SDK1: variants seen among roughly 807,000 people sequenced by gnomAD.
The protein encoded by SDK1 is protein sidekick-1.
Under a neutral mutation model 245.5 loss-of-function variants are expected in SDK1, and 157 were observed. The observed-to-expected ratio is 0.64, with a 90% CI of 0.56 to 0.73. The LOEUF (loss-of-function observed/expected upper bound fraction) is 0.73, where lower values mean the gene tolerates loss of function less well. SDK1 is among the 30% of genes least tolerant of loss of function. SDK1 has a pLI of 0.00. For missense variants in SDK1, 3,583 were observed against 3,002.3 expected (o/e 1.19, Z -4.52); for synonymous variants, 1,647 against 1,278.5 (o/e 1.29, Z -6.15).
intron 1 of SDK1, among the ~76,000 whole-genome samples, chr7:3,366,514 A>C (rs959738643): frequency 1.8e-4 from 28 of 152,062 alleles, no homozygotes; most frequent in African/African-American, 6.5e-4. Context: ...TTTATTTTGT[A>C]CTTTCATCAA....
rs142175356 is a variant in SDK1, at chr7:4,000,289, C to T, written c.2132-10677C>T. Among the ~76,000 whole-genome samples, 559 of 152,320 alleles carry T rather than the reference C, an allele frequency of 3.7e-3. 9 individuals carry two copies. The highest frequency in any genetic ancestry group is 0.013 in the African/African-American group (543 of 41,560). On this transcript the variant is annotated intron_variant, in intron 14 of 44. Coordinates refer to ENST00000404826, the MANE Select transcript of SDK1 (RefSeq NM_152744.4). ...TTGCAATATCCTCCAGGCAGCTTGT[C>T]CTTCCTCCAGCATGGAACGTTCTGG...
chr7:3,746,824 G>A (rs10279770), intron 4 of SDK1, among the ~76,000 whole-genome samples: 11,113 of 152,170 alleles, frequency 0.073, 1,260 homozygotes, highest in African/African-American at 0.24. Context: ...GAGGGGTGGA[G>A]TCAGCTTCTC....
chr7:3,314,341 A>G (rs1779614866), intron 1 of SDK1, among the ~76,000 whole-genome samples: 2 of 152,212 alleles, frequency 1.3e-5, no homozygotes, highest in African/African-American at 4.8e-5. Flanking sequence ...TAGCCAGTAC[A>G]TTCCAAGTGA....
chr7:3,412,462 T>C (rs1198997462), intron 1 of SDK1, among the ~76,000 whole-genome samples: 1 of 152,260 alleles, frequency 6.6e-6, no homozygotes, highest in Non-Finnish European at 1.5e-5. Context: ...CTGCTTTTTT[T>C]GTTAAATGGC....
chr7:3,834,223 A>T (rs1779979794), intron 5 of SDK1, among the ~76,000 whole-genome samples: 1 of 152,172 alleles, frequency 6.6e-6, no homozygotes, highest in African/African-American at 2.4e-5. Flanking sequence ...CACTCAGACT[A>T]CAGTTCTGCT....
intron 5 of SDK1, among the ~76,000 whole-genome samples, chr7:3,881,588 A>G (rs966986827): frequency 3.3e-5 from 5 of 152,162 alleles, no homozygotes; most frequent in African/African-American, 1.2e-4. Context: ...ATACATCTTT[A>G]TAACAGCATG....
chr7:3,691,712 C>G (rs1318451140), intron 4 of SDK1, among the ~76,000 whole-genome samples: 1 of 152,192 alleles, frequency 6.6e-6, no homozygotes, highest in Non-Finnish European at 1.5e-5. Flanking sequence ...GCTGGAAGGT[C>G]TAGTTTCAGG....
chr7:4,170,407 C>A (rs1422118871), intron 32 of SDK1, among the ~76,000 whole-genome samples: 2 of 151,998 alleles, frequency 1.3e-5, no homozygotes, highest in Admixed American at 6.6e-5. Context: ...TGATCGCACC[C>A]CTGCACTCCA....
chr7:3,929,966 G>A (rs1053861356), intron 5 of SDK1, among the ~76,000 whole-genome samples: 2 of 152,078 alleles, frequency 1.3e-5, no homozygotes, highest in African/African-American at 2.4e-5. Flanking sequence ...CTGAAAGCAT[G>A]GTGTTTTTAT....
At chr7:3,987,725 G>A (rs1232784414) in intron 14 of SDK1, among the ~76,000 whole-genome samples, 1 of 152,174 alleles carries the variant, frequency 6.6e-6, no homozygotes, top group Non-Finnish European at 1.5e-5. Flanking sequence ...GTGGTGTCAA[G>A]TGTTCAGCAC....
intron 4 of SDK1, among the ~76,000 whole-genome samples, chr7:3,784,579 A>G (rs1456790855): frequency 2.0e-5 from 3 of 152,242 alleles, no homozygotes; most frequent in African/African-American, 7.2e-5. Context: ...TCAAAAGAAG[A>G]CATACAAATG....
At chr7:3,726,740 A>G (rs912061928) in intron 4 of SDK1, among the ~76,000 whole-genome samples, 2 of 152,244 alleles carry the variant, frequency 1.3e-5, no homozygotes, top group African/African-American at 4.8e-5. Flanking sequence ...AGATTTTGAC[A>G]GTGTCCTCAG....
At chr7:3,672,791 ATAT>A (rs1288285180) in intron 4 of SDK1, among the ~76,000 whole-genome samples, 1,232 of 96,406 alleles carry the variant, frequency 0.013, 19 homozygotes, top group South Asian at 0.028. Context: ...ATATATATAT[ATAT>A]AAAAAATACA....
At chr7:4,042,640 G>C (rs1788715925) in intron 17 of SDK1, among the ~76,000 whole-genome samples, 1 of 91,832 alleles carries the variant, frequency 1.1e-5, no homozygotes, top group Admixed American at 8.8e-5. Flanking sequence ...GGGAGGAAGT[G>C]TCCCTTGAGG....
At chr7:3,743,920 C>G (rs943317669) in intron 4 of SDK1, among the ~76,000 whole-genome samples, 1 of 152,170 alleles carries the variant, frequency 6.6e-6, no homozygotes, top group East Asian at 1.9e-4. Context: ...CATGTAGCCA[C>G]AGGACCAATG....
At chr7:3,364,492 A>G (rs1583748529) in intron 1 of SDK1, among the ~76,000 whole-genome samples, 1 of 151,978 alleles carries the variant, frequency 6.6e-6, no homozygotes, top group African/African-American at 2.4e-5. Flanking sequence ...TTGCTTTTAA[A>G]CCCATGGATA....
chr7:4,003,887 C>T (rs1358299005), intron 14 of SDK1, among the ~76,000 whole-genome samples: 5 of 152,216 alleles, frequency 3.3e-5, no homozygotes, highest in South Asian at 2.1e-4. Flanking sequence ...TGGGGGCCCT[C>T]GCGGGCATTG....
rs142889894 is a variant in SDK1 at position 3,375,309 on chromosome 7, C to T, written c.298+73425C>T. ...AAATCAGTATAATACTGACCCAGGA[C>T]TAGACAGAAAATGAAATAAAGTCTA... On this transcript the variant is annotated intron_variant, in intron 1 of 44. Coordinates refer to ENST00000404826, the MANE Select transcript of SDK1 (RefSeq NM_152744.4). Among the ~76,000 whole-genome samples the T allele has an allele frequency of 1.9e-3, 289 of 152,248 alleles. 1 individual carries two copies. The Middle Eastern group carries it at 0.024, about 13-fold the overall frequency.
intron 1 of SDK1, among the ~76,000 whole-genome samples, chr7:3,608,507 G>T (rs1254879232): frequency 6.6e-6 from 1 of 152,188 alleles, no homozygotes; most frequent in Non-Finnish European, 1.5e-5. Flanking sequence ...GATAAAAATT[G>T]AGCTCATAAG....
Sources: gnomAD v4.1 joint callset for allele counts (sites outside exome capture counted in the v4.1 genomes callset) on GRCh38, gnomAD v4.1.1 for gene constraint, MANE v1.5 for transcripts, NCBI Gene and HGNC (gene_info 2026-07-23, HGNC 2026-07-21) for gene names.